Variants in RABGAP1L observed in about 807,000 individuals in gnomAD.
RABGAP1L encodes the protein rab GTPase-activating protein 1-like.
RABGAP1L carries 63 observed loss-of-function variants against 137.7 expected under a neutral mutation model. The observed-to-expected ratio is 0.46, with a 90% CI of 0.37 to 0.56. The LOEUF (loss-of-function observed/expected upper bound fraction) is 0.56. Ranked by LOEUF, RABGAP1L falls within the 20% of genes least tolerant of loss-of-function variation. The pLI, the probability that RABGAP1L is intolerant of heterozygous loss-of-function variation, is 0.00. For synonymous variants in RABGAP1L, 431 were observed against 433.7 expected (o/e 0.99, Z 0.08); for missense variants, 1,095 against 1,244.0 (o/e 0.88, Z 1.80).
In RABGAP1L at chr1:174,237,121, G is replaced by C. The variant is rs572287512; in HGVS notation, c.543-4362G>C. 1.8e-4 allele frequency among the ~76,000 whole-genome samples: 27 copies of C among 151,536 alleles called. 1 individual carries two copies. In the East Asian group the frequency reaches 5.2e-3, roughly 29 times the overall value. On this transcript the variant is annotated intron_variant, in intron 4 of 25. Transcript: ENST00000681986. ...GTCTTTTTTTGTTTTCCATTTGCTT[G>C]GTAGATCTTCCTCCATCCTTTTATT...
At chr1:174,900,634 C>T (rs1657982225) in intron 19 of RABGAP1L, among the ~76,000 whole-genome samples, 1 of 152,170 alleles carries the variant, frequency 6.6e-6, no homozygotes, top group South Asian at 2.1e-4. Flanking sequence ...ATTCTCCTGC[C>T]TCAGCCTCCT....
At position 174,992,151 on chromosome 1, in the gene RABGAP1L, C is replaced by G. The variant is rs1468038138; in HGVS notation, c.*2150C>G. The G allele has an allele frequency of 6.6e-6, 1 of 152,232 alleles. No homozygotes were observed. The highest frequency in any genetic ancestry group is 2.1e-4 in the South Asian group (1 of 4,818). 9.4% of individuals were successfully genotyped at this position (152,232 alleles called of 1,614,324 possible). On this transcript the variant is annotated 3_prime_UTR_variant, in exon 26 of 26. Transcript: ENST00000681986. ...TTTTAAAGAGGAGAAGAGAAAAATCCCCCCTGGCCAGGCATGGTGGCTCAC... is the reference window on the plus strand; with the variant it reads ...TTTTAAAGAGGAGAAGAGAAAAATCGCCCCTGGCCAGGCATGGTGGCTCAC...
At chr1:174,849,663 AT>A in intron 19 of RABGAP1L, 1 of 407,138 alleles carries the variant, frequency 2.5e-6, no homozygotes, top group South Asian at 1.9e-5. Context: ...ATTTGTTGTG[AT>A]TTTCTTCATT....
chr1:174,446,116 A>G (rs2149244597), intron 13 of RABGAP1L, among the ~76,000 whole-genome samples: 1 of 152,300 alleles, frequency 6.6e-6, no homozygotes, highest in East Asian at 1.9e-4. Flanking sequence ...GCTTGGGCTC[A>G]GGTGGAGTCA....
intron 12 of RABGAP1L, 39 bp downstream of exon 12, chr1:174,371,111 C>T (rs772164684): frequency 8.7e-7 from 1 of 1,147,024 alleles, no homozygotes; most frequent in Non-Finnish European, 1.3e-6. Flanking sequence ...TCTATATTTA[C>T]ATAGTTGATG....
chr1:174,849,868 A>G (rs1026490125), intron 19 of RABGAP1L: 4 of 566,168 alleles, frequency 7.1e-6, no homozygotes, highest in Admixed American at 1.9e-5. Flanking sequence ...ATCATATTAA[A>G]GTGATGGCCA....
chr1:174,364,490 G>A (rs980662618), intron 11 of RABGAP1L, among the ~76,000 whole-genome samples: 7 of 151,420 alleles, frequency 4.6e-5, no homozygotes, highest in East Asian at 1.9e-4. Flanking sequence ...TCCTGACCTC[G>A]TGATCCACCC....
intron 11 of RABGAP1L, among the ~76,000 whole-genome samples, chr1:174,358,567 AAC>A (rs1376554828): frequency 1.3e-5 from 2 of 152,172 alleles, no homozygotes; most frequent in East Asian, 1.9e-4. Context: ...TCTTTCTGAG[AAC>A]ACAGAGTACG....
intron 17 of RABGAP1L, among the ~76,000 whole-genome samples, chr1:174,713,293 C>T (rs926759143): frequency 3.3e-5 from 5 of 152,106 alleles, no homozygotes; most frequent in Admixed American, 2.6e-4. Flanking sequence ...TTTTTTACTA[C>T]ATATGTATGT....
chr1:174,269,608 T>C (rs1001865947), intron 7 of RABGAP1L, among the ~76,000 whole-genome samples: 4 of 139,192 alleles, frequency 2.9e-5, no homozygotes, highest in Middle Eastern at 3.5e-3. Context: ...ATAAACAATA[T>C]CTATTATTAT....
intron 11 of RABGAP1L, among the ~76,000 whole-genome samples, chr1:174,349,504 G>A (rs1240374157): frequency 1.5e-5 from 2 of 130,446 alleles, no homozygotes; most frequent in Admixed American, 7.4e-5. Context: ...CCGGGCAGAG[G>A]GGCTCCTCAC....
chr1:174,312,054 A>T lies in RABGAP1L; in HGVS notation c.1465+6927A>T, dbSNP rs1350169766. 3.3e-5 allele frequency among the ~76,000 whole-genome samples: 5 copies of T among 152,360 alleles called. No homozygotes were observed. The East Asian group carries it at 9.6e-4, about 29-fold the overall frequency. On this transcript the variant is annotated intron_variant, in intron 11 of 25. Transcript: ENST00000681986. ...TTGTAAACAGTGTTGCAACAAACAC[A>T]GGAGTACACATATCTTTTTGCTACA...
chr1:174,566,678 G>A (rs1318953717), intron 13 of RABGAP1L, among the ~76,000 whole-genome samples: 1 of 152,220 alleles, frequency 6.6e-6, no homozygotes, highest in Middle Eastern at 3.4e-3. Context: ...TCTTTGCGAG[G>A]CCTTGAACGT....
At chr1:174,829,778 T>C (rs1691913454) in intron 19 of RABGAP1L, among the ~76,000 whole-genome samples, 1 of 148,558 alleles carries the variant, frequency 6.7e-6, no homozygotes, top group African/African-American at 2.5e-5. Context: ...TTTCCATCTT[T>C]ATGTATGAAG....
chr1:174,937,619 A>AATATATATATATATATATATATATAT lies in RABGAP1L; in HGVS notation c.2341-19822_2341-19821insATATATATATATATATATATATATAT, dbSNP rs148901840. 2.8e-3 allele frequency among the ~76,000 whole-genome samples: 302 copies of AATATATATATATATATATATATATAT among 109,542 alleles called. 18 individuals are homozygous for AATATATATATATATATATATATATAT. Among genetic ancestry groups the AATATATATATATATATATATATATAT allele is most frequent in the African/African-American group, 0.013 (252 of 19,836 alleles). The allele number at this position is 109,542 out of a possible 152,430, so 71.9% of individuals were successfully genotyped here. On this transcript the variant is annotated intron_variant, in intron 19 of 25. Transcript: ENST00000681986. ...ATTTTTAAATAGCAATACTTCATTA[A>AATATATATATATATATATATATATAT]ATATATATATATATATCTTGCAGTT...
chr1:174,493,139 G>A (rs776353891), intron 13 of RABGAP1L, among the ~76,000 whole-genome samples: 7 of 148,560 alleles, frequency 4.7e-5, no homozygotes, highest in Non-Finnish European at 8.9e-5. Context: ...CAGGAGGCTT[G>A]CCTTAGCCCA....
At chr1:174,227,600 C>T (rs532618338) in intron 3 of RABGAP1L, among the ~76,000 whole-genome samples, 5 of 152,160 alleles carry the variant, frequency 3.3e-5, no homozygotes, top group African/African-American at 9.6e-5. Flanking sequence ...TTTTCCCCTC[C>T]TTTCCTGCCT....
In RABGAP1L at chr1:174,800,544, A is replaced by G. The variant is rs1161700180; in HGVS notation, c.2212-11288A>G. The G allele has an allele frequency of 2.0e-5, 31 of 1,532,168 alleles. No individual in the cohort carries two copies. The East Asian group carries it at 5.9e-4, about 29-fold the overall frequency. 94.9% of individuals were successfully genotyped at this position (1,532,168 alleles called of 1,614,324 possible). Reference sequence around the variant, plus strand: ...GAACTTCATTTGTAGGGAATCTGCTATCCTCTGTGAAAATTCCTTGTATCT... The same window carrying G: ...GAACTTCATTTGTAGGGAATCTGCTGTCCTCTGTGAAAATTCCTTGTATCT... On this transcript the variant is annotated intron_variant, in intron 18 of 25. Transcript: ENST00000681986.
rs115139419 is a variant in RABGAP1L at position 174,883,360 on chromosome 1, A to G, written c.2340+71400A>G. Among the ~76,000 whole-genome samples, 545 of 152,314 alleles carry G rather than the reference A, an allele frequency of 3.6e-3. 4 individuals are homozygous for G. The highest frequency in any genetic ancestry group is 0.011 in the African/African-American group (467 of 41,568). ...TAATAAGGGAGGAACTAATCAGACT[A>G]TTTGAAGAAGGTCTAAAGGAAGAAG... On this transcript the variant is annotated intron_variant, in intron 19 of 25. Coordinates refer to ENST00000681986, the MANE Select transcript of RABGAP1L (RefSeq NM_001366446.1).
Sources: allele counts gnomAD v4.1 joint callset (sites outside exome capture counted in the v4.1 genomes callset), GRCh38; gene constraint gnomAD v4.1.1; transcripts MANE v1.5; gene names NCBI Gene and HGNC (gene_info 2026-07-23, HGNC 2026-07-21).